The following NBR1 variants were observed in gnomAD, a reference collection of about 807,000 sequenced individuals.
The protein encoded by NBR1 is next to BRCA1 gene 1 protein.
Under a neutral mutation model 115.5 loss-of-function variants are expected in NBR1, and 59 were observed. The observed-to-expected ratio is 0.51, with a 90% confidence interval of 0.41 to 0.63. The LOEUF is 0.63. Among genes scored for constraint, NBR1 ranks in the 30% least tolerant of loss-of-function variants. The pLI, the probability that NBR1 is intolerant of heterozygous loss-of-function variation, is 0.00. For missense variants in NBR1, 1,043 were observed against 1,150.5 expected (o/e 0.91, Z 1.35); for synonymous variants, 373 against 414.7 (o/e 0.90, Z 1.22).
At position 43,203,801 on chromosome 17, in the gene NBR1, T is replaced by C. The variant is rs1329217858; in HGVS notation, c.2727+15T>C. On this transcript the variant is annotated intron_variant, in intron 20 of 20. Coordinates refer to ENST00000590996, the MANE Select transcript of NBR1 (RefSeq NM_005899.5). ...TCACTGCACAGGTCAGTGTGTGTGTTTTATTTTCCTGAATCTCAACTCCAT... is the reference window on the plus strand; with the variant it reads ...TCACTGCACAGGTCAGTGTGTGTGTCTTATTTTCCTGAATCTCAACTCCAT... 3 of 1,498,832 alleles carry C rather than the reference T, an allele frequency of 2.0e-6. No homozygotes were observed. Among genetic ancestry groups the C allele is most frequent in the South Asian group, 1.2e-5 (1 of 82,898 alleles). The allele number at this position is 1,498,832 out of a possible 1,614,324, so 92.8% of individuals were successfully genotyped here. A position where few individuals can be genotyped will look rare whatever the true frequency, so the allele number is the denominator to read the frequency against.
At chr17:43,172,630 G>C (rs959403320) in intron 1 of NBR1, among the ~76,000 whole-genome samples, 4 of 152,094 alleles carry the variant, frequency 2.6e-5, no homozygotes, top group Non-Finnish European at 5.9e-5. Flanking sequence ...CAGGATTGTT[G>C]TTAAGAGACT....
intron 15 of NBR1, 85 bp downstream of exon 15, chr17:43,196,676 C>A: frequency 9.4e-7 from 1 of 1,063,114 alleles, no homozygotes; most frequent in Non-Finnish European, 1.4e-6. Flanking sequence ...ACTGACCCTA[C>A]CTTAGCATGT....
At chr17:43,173,286 T>TTTTTA (rs1279177808) in intron 1 of NBR1, among the ~76,000 whole-genome samples, 1 of 151,920 alleles carries the variant, frequency 6.6e-6, no homozygotes, top group Non-Finnish European at 1.5e-5. Flanking sequence ...CCCGTCCAGT[T>TTTTTA]TTTTATTTTA....
intron 20 of NBR1, chr17:43,209,627 C>T (rs973728056): frequency 1.3e-6 from 2 of 1,535,414 alleles, no homozygotes; most frequent in African/African-American, 2.7e-5. Flanking sequence ...CCGAGTGAAG[C>T]ATTCTCCTGG....
At chr17:43,202,770 C>T (rs1215944971) in intron 19 of NBR1, 58 bp downstream of exon 19, 2 of 1,397,052 alleles carry the variant, frequency 1.4e-6, no homozygotes, top group Non-Finnish European at 2.0e-6. Flanking sequence ...TGTATTCCTT[C>T]TGCTTAAAAG....
chr17:43,208,827 C>T (rs1183535790), intron 20 of NBR1, among the ~76,000 whole-genome samples: 1 of 152,018 alleles, frequency 6.6e-6, no homozygotes, highest in Non-Finnish European at 1.5e-5. Context: ...ATTTGCCGGG[C>T]GTGGTAGCGC....
chr17:43,202,395 A>G (rs1404072329), intron 18 of NBR1, among the ~76,000 whole-genome samples: 1 of 152,050 alleles, frequency 6.6e-6, no homozygotes, highest in Non-Finnish European at 1.5e-5. Flanking sequence ...TTTTCTTACT[A>G]CAAAATATAT....
chr17:43,208,171 C>T (rs564607452), intron 20 of NBR1, among the ~76,000 whole-genome samples: 1 of 152,150 alleles, frequency 6.6e-6, no homozygotes, highest in African/African-American at 2.4e-5. Context: ...AAGTATGCCA[C>T]ACTTTCAAAT....
chr17:43,210,136 G>T lies in NBR1; in HGVS notation c.*62G>T. 1.3e-6 allele frequency: 2 copies of T among 1,495,528 alleles called. No homozygotes were observed. The highest frequency in any genetic ancestry group is 1.3e-5 in the South Asian group (1 of 77,842). 92.6% of individuals were successfully genotyped at this position (1,495,528 alleles called of 1,614,324 possible). A position where few individuals can be genotyped will look rare whatever the true frequency, so the allele number is the denominator to read the frequency against. ...GAGATGATCTTTATTCTGTCATTGG[G>T]GTATGGGATAGAAGCCCTTGCTTAT... is the stretch of plus-strand genomic sequence containing the variant. On this transcript the variant is annotated 3_prime_UTR_variant, in exon 21 of 21. Transcript: ENST00000590996.
chr17:43,183,811 C>T (rs1047513473), intron 5 of NBR1, among the ~76,000 whole-genome samples: 1 of 152,086 alleles, frequency 6.6e-6, no homozygotes, highest in African/African-American at 2.4e-5. Flanking sequence ...AGGCATGTGC[C>T]ACCACACCCA....
rs754152961 is a variant in NBR1, at chr17:43,200,605, C to G, written c.2465C>G (p.Pro822Arg). Residue 822 changes from proline (P) to arginine (R), a missense_variant, in exon 17 of 21, where the codon CCC becomes CGC. By Grantham distance (103) the Pro-to-Arg change is moderately radical. Coordinates refer to ENST00000590996, the MANE Select transcript of NBR1 (RefSeq NM_005899.5). ...GTAGTGGAGCTTCCACCGTCACTGC[C>G]CAGGTACCACTCACAGCCCCCTCAG... is the stretch of plus-strand genomic sequence containing the variant. ...PEVVELPPSL[P>R]RSSPCVHHHG... 6.3e-7 allele frequency: 1 copy of G among 1,597,342 alleles called. No homozygotes were observed. The highest frequency in any genetic ancestry group is 8.6e-7 in the Non-Finnish European group (1 of 1,168,264).
chr17:43,200,231 G>A lies in NBR1; in HGVS notation c.2091G>A (p.Glu697=), dbSNP rs2057164292. 1.3e-6 allele frequency: 2 copies of A among 1,551,876 alleles called. No individual in the cohort carries two copies. The highest frequency in any genetic ancestry group is 3.9e-5 in the Admixed American group (2 of 51,000). ...NEKEEIIHIA[E]EEAVMEEEED... ...AGGAGGAGATTATCCATATCGCTGA[G>A]GAAGAAGCTGTCATGGAGGAGGAGG... The change falls in exon 17 of 21, where the codon GAG becomes GAA. Residue 697 remains glutamate (E), a synonymous_variant. Coordinates refer to ENST00000590996, the MANE Select transcript of NBR1 (RefSeq NM_005899.5).
At chr17:43,209,862 A>T (rs915855461) in intron 20 of NBR1, 39 bp from the exon 21 acceptor site, 45 of 1,367,564 alleles carry the variant, frequency 3.3e-5, no homozygotes, top group African/African-American at 2.8e-4. Context: ...ATTATACAGA[A>T]TTTTTTTTTT....
chr17:43,190,892 G>A, intron 9 of NBR1, 116 bp downstream of exon 9: 8 of 1,018,824 alleles, frequency 7.9e-6, no homozygotes, highest in Non-Finnish European at 9.7e-6. Context: ...TTCAATTGAT[G>A]TGCAATAATG....
At chr17:43,195,186 T>C in intron 14 of NBR1, 147 bp downstream of exon 14, 2 of 688,528 alleles carry the variant, frequency 2.9e-6, no homozygotes, top group Non-Finnish European at 5.1e-6. Flanking sequence ...GGATCCGTTT[T>C]TCTTCTTTCC....
At chr17:43,177,224 G>A (rs2056538402) in intron 2 of NBR1, among the ~76,000 whole-genome samples, 1 of 133,450 alleles carries the variant, frequency 7.5e-6, no homozygotes, top group African/African-American at 2.8e-5. Context: ...AGTGAGCCAA[G>A]ATCAAGCCAC....
chr17:43,183,666 TTTTG>T (rs1027875424), intron 5 of NBR1, among the ~76,000 whole-genome samples: 16 of 152,130 alleles, frequency 1.1e-4, no homozygotes, highest in African/African-American at 3.6e-4. Flanking sequence ...ACTTGGCTGG[TTTTG>T]TTTGTTTGTT....
chr17:43,207,823 T>C (rs1366035680), intron 20 of NBR1, among the ~76,000 whole-genome samples: 2 of 152,220 alleles, frequency 1.3e-5, no homozygotes, highest in Non-Finnish European at 2.9e-5. Flanking sequence ...GATCCATAGA[T>C]GAGGAACCCA....
chr17:43,188,775 T>G (rs1026146367), intron 6 of NBR1, among the ~76,000 whole-genome samples: 1 of 152,190 alleles, frequency 6.6e-6, no homozygotes, highest in Non-Finnish European at 1.5e-5. Context: ...TCTCATTGTC[T>G]TTGTTGTAAG....
Sources: gnomAD v4.1 joint callset for allele counts (sites outside exome capture counted in the v4.1 genomes callset) on GRCh38, gnomAD v4.1.1 for gene constraint, MANE v1.5 for transcripts, NCBI Gene and HGNC (gene_info 2026-07-23, HGNC 2026-07-21) for gene names.